ADAM32: variants seen among roughly 807,000 people sequenced by gnomAD.
The protein encoded by ADAM32 is disintegrin and metalloproteinase domain-containing protein 32.
In ADAM32, 89 loss-of-function variants were observed where a neutral mutation model predicts 114.9. The ratio of observed to expected loss-of-function variants is 0.77; its 90% CI spans 0.65 to 0.92. ADAM32 has a LOEUF of 0.92. Among genes scored for constraint, ADAM32 ranks in the 40% least tolerant of loss-of-function variants. ADAM32 has a pLI of 0.00. For synonymous variants in ADAM32, 285 were observed against 307.5 expected, an observed-to-expected ratio of 0.93 and a Z score of 0.77; for missense variants, 870 against 932.8, an observed-to-expected ratio of 0.93 and a Z score of 0.88.
At chr8:39,111,225 A>G (rs1395469089) in intron 1 of ADAM32, among the ~76,000 whole-genome samples, 1 of 152,068 alleles carries the variant, frequency 6.6e-6, no homozygotes, top group African/African-American at 2.4e-5. Context: ...TTTTGTGTGG[A>G]CATATGTTTT....
chr8:39,162,845 A>G (rs1804598936), intron 7 of ADAM32, among the ~76,000 whole-genome samples: 1 of 152,130 alleles, frequency 6.6e-6, no homozygotes, highest in Non-Finnish European at 1.5e-5. Context: ...TACTAAAAAC[A>G]CAAAAATTAG....
intron 6 of ADAM32, 89 bp from the exon 7 acceptor site, chr8:39,160,808 A>C (rs1804459459): frequency 1.2e-5 from 13 of 1,117,190 alleles, no homozygotes; most frequent in Non-Finnish European, 1.6e-5. Context: ...CATATCTTGT[A>C]AGTGCTGTGG....
chr8:39,138,498 T>A (rs2129445087), intron 3 of ADAM32, among the ~76,000 whole-genome samples: 1 of 152,336 alleles, frequency 6.6e-6, no homozygotes, highest in East Asian at 1.9e-4. Flanking sequence ...GCAAAGGACA[T>A]AAACTCATCC....
chr8:39,178,910 G>A (rs1316543410), intron 10 of ADAM32, among the ~76,000 whole-genome samples: 1 of 152,092 alleles, frequency 6.6e-6, no homozygotes. Context: ...CTTCCTCTGT[G>A]AGCTCCATCC....
intron 17 of ADAM32, among the ~76,000 whole-genome samples, chr8:39,249,191 A>C (rs2044164847): frequency 6.6e-6 from 1 of 152,094 alleles, no homozygotes. Flanking sequence ...GGCATGAGCC[A>C]CTGTGCCAGG....
intron 13 of ADAM32, 146 bp downstream of exon 13, chr8:39,221,848 G>T: frequency 1.6e-6 from 1 of 614,540 alleles, no homozygotes; most frequent in Non-Finnish European, 2.6e-6. Flanking sequence ...TCAGATTTCT[G>T]ATTTTTATTA....
chr8:39,216,050 A>G (rs1286060523), intron 12 of ADAM32, among the ~76,000 whole-genome samples: 1 of 152,048 alleles, frequency 6.6e-6, no homozygotes, highest in Non-Finnish European at 1.5e-5. Context: ...CTTTAGCTCT[A>G]ATAATATTTG....
At chr8:39,151,933 G>A (rs913654558) in intron 6 of ADAM32, among the ~76,000 whole-genome samples, 1 of 151,924 alleles carries the variant, frequency 6.6e-6, no homozygotes, top group South Asian at 2.1e-4. Flanking sequence ...AAAATGTTGA[G>A]ATTACAGGCA....
rs1013358998 is a variant in ADAM32 at position 39,270,893 on chromosome 8, G to A, written c.2180G>A (p.Ser727Asn). The change falls in exon 20 of 25, where the codon AGC (serine) becomes AAC (asparagine). Residue 727 changes from serine to asparagine, a missense_variant. Coordinates refer to ENST00000379907, the MANE Select transcript of ADAM32 (RefSeq NM_145004.7). Reference sequence around the variant, plus strand: ...CTTTTTAGATCTAAATCGGAAGGTAGCACACAGACATATGCCAGCCAGTAA... The same window carrying A: ...CTTTTTAGATCTAAATCGGAAGGTAACACACAGACATATGCCAGCCAGTAA... The part of the protein sequence containing the change: ...FPSSESKSEG[S>N]TQTYASQSSS... 6.2e-7 allele frequency: 1 copy of A among 1,610,706 alleles called. No individual in the cohort carries two copies. The highest frequency in any genetic ancestry group is 1.7e-5 in the Admixed American group (1 of 59,556).
At chr8:39,240,765 A>G (rs2129449798) in intron 16 of ADAM32, among the ~76,000 whole-genome samples, 1 of 152,250 alleles carries the variant, frequency 6.6e-6, no homozygotes, top group Non-Finnish European at 1.5e-5. Context: ...ATCTGCCCTC[A>G]TGGTTCAATT....
At chr8:39,179,715 C>T (rs752192094) in intron 10 of ADAM32, among the ~76,000 whole-genome samples, 14 of 152,118 alleles carry the variant, frequency 9.2e-5, no homozygotes, top group Non-Finnish European at 1.8e-4. Flanking sequence ...CATGCCACTC[C>T]TGGGTGGGCC....
chr8:39,128,199 G>GT (rs1802231838), intron 2 of ADAM32, among the ~76,000 whole-genome samples: 1 of 152,134 alleles, frequency 6.6e-6, no homozygotes, highest in Non-Finnish European at 1.5e-5. Flanking sequence ...TAATCTGGTT[G>GT]TGCCTGTATT....
At chr8:39,251,342 C>A (rs7464434) in intron 17 of ADAM32, among the ~76,000 whole-genome samples, 32,698 of 151,230 alleles carry the variant, frequency 0.22, 3,789 homozygotes, top group East Asian at 0.28. Context: ...ATTGGCTGTT[C>A]CATCTTTTTT....
chr8:39,121,868 C>G (rs1840604395), intron 2 of ADAM32, among the ~76,000 whole-genome samples: 1 of 152,132 alleles, frequency 6.6e-6, no homozygotes, highest in Admixed American at 6.5e-5. Flanking sequence ...CCAAGTGGGC[C>G]CAGCAGGGTA....
At chr8:39,119,852 T>C (rs1234296984) in intron 2 of ADAM32, among the ~76,000 whole-genome samples, 1 of 152,194 alleles carries the variant, frequency 6.6e-6, no homozygotes, top group African/African-American at 2.4e-5. Flanking sequence ...TAGGGCCTTA[T>C]GGAGGTAATT....
At chr8:39,152,761 GA>G (rs1803918639) in intron 6 of ADAM32, among the ~76,000 whole-genome samples, 1 of 144,744 alleles carries the variant, frequency 6.9e-6, no homozygotes, top group Non-Finnish European at 1.5e-5. Context: ...AAAGAAAAAA[GA>G]AAAAAACACC....
At chr8:39,123,297 T>C (rs1801900022) in intron 2 of ADAM32, among the ~76,000 whole-genome samples, 1 of 152,232 alleles carries the variant, frequency 6.6e-6, no homozygotes, top group Non-Finnish European at 1.5e-5. Flanking sequence ...TCCTTCATTA[T>C]TCATCTTTTC....
chr8:39,200,906 T>A (rs1302289968), intron 11 of ADAM32, among the ~76,000 whole-genome samples: 4 of 152,238 alleles, frequency 2.6e-5, no homozygotes, highest in Non-Finnish European at 2.9e-5. Flanking sequence ...CTTGTTTTTG[T>A]CCGGTTTTTC....
intron 14 of ADAM32, among the ~76,000 whole-genome samples, chr8:39,225,015 G>A (rs1809255907): frequency 6.6e-6 from 1 of 152,138 alleles, no homozygotes; most frequent in African/African-American, 2.4e-5. Flanking sequence ...CTCTGCAGAG[G>A]ACAGAGGCGT....
Sources: gnomAD v4.1 joint callset for allele counts (sites outside exome capture counted in the v4.1 genomes callset) on GRCh38, gnomAD v4.1.1 for gene constraint, MANE v1.5 for transcripts, NCBI Gene and HGNC (gene_info 2026-07-23, HGNC 2026-07-21) for gene names.